Variants in ADAMTSL1 observed in about 807,000 individuals in gnomAD.
ADAMTSL1 encodes ADAMTS-like protein 1.
A neutral mutation model predicts 201.8 loss-of-function variants in ADAMTSL1; 126 were observed. The observed-to-expected ratio is 0.62, with a 90% CI of 0.54 to 0.72. The LOEUF is 0.72. Ranked by LOEUF, ADAMTSL1 falls within the 30% of genes least tolerant of loss-of-function variation. ADAMTSL1 has a pLI of 0.00. For synonymous variants in ADAMTSL1, 1,121 were observed against 903.4 expected (o/e 1.24, Z -4.32); for missense variants, 2,679 against 2,277.8 (o/e 1.18, Z -3.59).
At chr9:18,186,685 G>A (rs569451939) in intron 2 of ADAMTSL1, among the ~76,000 whole-genome samples, 3 of 152,052 alleles carry the variant, frequency 2.0e-5, no homozygotes, top group South Asian at 2.1e-4. Flanking sequence ...AAGTTTGAGC[G>A]GGATCTCTTT....
At chr9:18,462,236 T>G (rs1200989840) in intron 2 of ADAMTSL1, among the ~76,000 whole-genome samples, 2 of 152,208 alleles carry the variant, frequency 1.3e-5, no homozygotes, top group Non-Finnish European at 2.9e-5. Context: ...TGTCCATTAT[T>G]TATTACTGAC....
chr9:18,348,857 T>G (rs1346679915), intron 2 of ADAMTSL1, among the ~76,000 whole-genome samples: 1 of 152,176 alleles, frequency 6.6e-6, no homozygotes, highest in Non-Finnish European at 1.5e-5. Context: ...TGTGTATTAT[T>G]ACAGTGATAT....
At position 18,777,351 on chromosome 9, in the gene ADAMTSL1, C is replaced by G; in HGVS notation, c.3122C>G (p.Ser1041Trp). 6.2e-7 allele frequency: 1 copy of G among 1,601,820 alleles called. No homozygotes were observed. The highest frequency in any genetic ancestry group is 8.5e-7 in the Non-Finnish European group (1 of 1,174,696). ...QGGWPGELLA[S>W]WEAQDSAERN... is the part of the protein sequence containing the mutation. Reference sequence around the variant, plus strand: ...GGCTGGCCCGGAGAGCTGCTGGCCTCGTGGGAGGCGCAGGACTCTGCGGAA... The same window carrying G: ...GGCTGGCCCGGAGAGCTGCTGGCCTGGTGGGAGGCGCAGGACTCTGCGGAA... Residue 1041 changes from serine to tryptophan, a missense_variant, in exon 19 of 29, where the codon TCG becomes TGG. Physicochemically the swap from Ser to Trp is radical, Grantham distance 177. Transcript: ENST00000380548.
At chr9:18,255,250 C>T (rs1250933108) in intron 2 of ADAMTSL1, among the ~76,000 whole-genome samples, 1 of 152,094 alleles carries the variant, frequency 6.6e-6, no homozygotes, top group African/African-American at 2.4e-5. Flanking sequence ...ACACAGAAAC[C>T]ACTAGGGGGC....
chr9:18,219,069 CCTT>C (rs1554640544), intron 2 of ADAMTSL1, among the ~76,000 whole-genome samples: 29 of 151,812 alleles, frequency 1.9e-4, no homozygotes. Flanking sequence ...ATTTCATTCT[CCTT>C]ATTTTCATTA....
intron 1 of ADAMTSL1, among the ~76,000 whole-genome samples, chr9:18,142,442 CTT>C (rs1270259154): frequency 6.6e-6 from 1 of 152,194 alleles, no homozygotes; most frequent in African/African-American, 2.4e-5. Flanking sequence ...TTAGAAATCT[CTT>C]TTGCATCTAA....
intron 2 of ADAMTSL1, among the ~76,000 whole-genome samples, chr9:18,423,020 T>C (rs1195818385): frequency 6.6e-6 from 1 of 152,232 alleles, no homozygotes; most frequent in African/African-American, 2.4e-5. Flanking sequence ...AAGACCTTTG[T>C]ATGGGATAGG....
chr9:18,455,895 A>G (rs1587266980), intron 2 of ADAMTSL1, among the ~76,000 whole-genome samples: 1 of 152,162 alleles, frequency 6.6e-6, no homozygotes. Context: ...GTTTAAAGAA[A>G]GAGACCCAAA....
intron 14 of ADAMTSL1, among the ~76,000 whole-genome samples, chr9:18,718,677 G>A (rs190394506): frequency 4.6e-5 from 7 of 152,186 alleles, no homozygotes; most frequent in South Asian, 2.1e-4. Flanking sequence ...GACTCTGGGC[G>A]AGGTTTGGCA....
At chr9:17,969,556 C>T (rs1266956773) in intron 1 of ADAMTSL1, among the ~76,000 whole-genome samples, 3 of 151,874 alleles carry the variant, frequency 2.0e-5, no homozygotes, top group African/African-American at 7.2e-5. Flanking sequence ...ACCTTTTTTC[C>T]ATAACTAAGA....
At chr9:18,896,065 A>G (rs1338469752) in intron 26 of ADAMTSL1, among the ~76,000 whole-genome samples, 1 of 150,882 alleles carries the variant, frequency 6.6e-6, no homozygotes, top group Non-Finnish European at 1.5e-5. Flanking sequence ...AAGAAAATAA[A>G]CAAACAGAGT....
At chr9:18,050,833 G>A (rs1226176452) in intron 1 of ADAMTSL1, among the ~76,000 whole-genome samples, 1 of 152,116 alleles carries the variant, frequency 6.6e-6, no homozygotes, top group Non-Finnish European at 1.5e-5. Context: ...ATGTTTCCAT[G>A]TCAAAAAGCT....
At chr9:18,739,845 C>T (rs2482970) in intron 15 of ADAMTSL1, among the ~76,000 whole-genome samples, 33,107 of 151,876 alleles carry the variant, frequency 0.22, 3,955 homozygotes, top group Middle Eastern at 0.31. Flanking sequence ...GTATGTATCA[C>T]GCATATGCAT....
chr9:18,525,359 T>A (rs553727028), intron 2 of ADAMTSL1, among the ~76,000 whole-genome samples: 16 of 152,348 alleles, frequency 1.1e-4, no homozygotes, highest in South Asian at 4.1e-4. Context: ...TTGCTAGTGG[T>A]CTATCAATTT....
chr9:18,846,180 A>G (rs1450828148), intron 23 of ADAMTSL1, among the ~76,000 whole-genome samples: 1 of 152,242 alleles, frequency 6.6e-6, no homozygotes, highest in Non-Finnish European at 1.5e-5. Context: ...GGACACAGTA[A>G]TAAGCCAAAC....
intron 2 of ADAMTSL1, among the ~76,000 whole-genome samples, chr9:18,443,839 C>G (rs1391597569): frequency 6.6e-6 from 1 of 152,114 alleles, no homozygotes; most frequent in Admixed American, 6.5e-5. Flanking sequence ...ATAATATTGT[C>G]AACATGCATT....
chr9:18,408,757 T>A (rs1818307607), intron 2 of ADAMTSL1, among the ~76,000 whole-genome samples: 1 of 152,204 alleles, frequency 6.6e-6, no homozygotes, highest in African/African-American at 2.4e-5. Context: ...CACAAAGATT[T>A]CTCATTACAG....
At chr9:18,220,205 G>T (rs1488530829) in intron 2 of ADAMTSL1, among the ~76,000 whole-genome samples, 2 of 151,986 alleles carry the variant, frequency 1.3e-5, no homozygotes, top group Non-Finnish European at 2.9e-5. Context: ...GTTTAGATAT[G>T]ATCCAGTTTT....
At chr9:18,291,663 C>G (rs1481352086) in intron 2 of ADAMTSL1, among the ~76,000 whole-genome samples, 1 of 150,820 alleles carries the variant, frequency 6.6e-6, no homozygotes, top group African/African-American at 2.5e-5. Context: ...CAATCTCTCC[C>G]CATCATCTCT....
Sources: allele counts gnomAD v4.1 joint callset (sites outside exome capture counted in the v4.1 genomes callset), GRCh38; gene constraint gnomAD v4.1.1; transcripts MANE v1.5; gene names NCBI Gene and HGNC (gene_info 2026-07-23, HGNC 2026-07-21).